TNS1: variants seen among roughly 807,000 people sequenced by gnomAD.
The protein encoded by TNS1 is tensin-1.
In TNS1, 62 loss-of-function variants were observed where a neutral mutation model predicts 168.6. The observed-to-expected ratio is 0.37, with a 90% CI of 0.30 to 0.45. The LOEUF (loss-of-function observed/expected upper bound fraction) is 0.45, where lower values mean the gene tolerates loss of function less well. Among genes scored for constraint, TNS1 ranks in the 20% least tolerant of loss-of-function variants. The probability of loss-of-function intolerance (pLI) is 1.00; values close to 1 mark genes in which losing one functional copy is unlikely to be tolerated. For synonymous variants in TNS1, 934 were observed against 933.2 expected, an observed-to-expected ratio of 1.00 and a Z score of -0.02; for missense variants, 2,240 against 2,339.4, an observed-to-expected ratio of 0.96 and a Z score of 0.88.
At chr2:218,017,236 C>T (rs115674224) in intron 1 of TNS1, among the ~76,000 whole-genome samples, 2,378 of 152,366 alleles carry the variant, frequency 0.016, 70 homozygotes, top group African/African-American at 0.053. Context: ...GGATCCCAGA[C>T]CCCTCTGTGA....
chr2:217,848,007 A>C lies in TNS1; in HGVS notation c.2510T>G (p.Leu837Arg). The change falls in exon 19 of 33, where the codon CTC becomes CGC. Residue 837 changes from leucine (L) to arginine (R), a missense_variant. Leu to Arg is a moderately radical substitution (Grantham distance 102). This residue lies in a region of TNS1 where 2,131 missense variants were observed against 2,171.2 expected (regional missense o/e 0.98). Transcript: ENST00000682258. ...CTCCAGGTCCAGCATCAGCATATTG[A>C]GTGTTTCGATGGACTGTTCAATCTC... Reference protein sequence around the residue: ...QQEIEQSIETLNMLMLDLEPA... With the variant: ...QQEIEQSIETRNMLMLDLEPA... The C allele has an allele frequency of 6.6e-7, 1 of 1,515,006 alleles. No homozygotes were observed. The allele number at this position is 1,515,006 out of a possible 1,614,324, so 93.8% of individuals were successfully genotyped here.
chr2:217,804,611 C>CG lies in TNS1; in HGVS notation c.5376-9dup. ...GCCACGAAGCCGAAGAGCCTGCAGG[C>CG]GGGAGAGGGCAACGGGCATGAGGGA... On this transcript the variant is annotated splice_polypyrimidine_tract_variant and intron_variant, in intron 32 of 32. Coordinates refer to ENST00000682258, the MANE Select transcript of TNS1 (RefSeq NM_001387777.1). The CG allele has an allele frequency of 6.2e-7, 1 of 1,613,842 alleles. No individual in the cohort carries two copies. Among genetic ancestry groups the CG allele is most frequent in the Non-Finnish European group, 8.5e-7 (1 of 1,179,852 alleles).
chr2:218,013,458 G>A (rs1419792042), upstream of TNS1, among the ~76,000 whole-genome samples: 1 of 152,122 alleles, frequency 6.6e-6, no homozygotes, highest in Non-Finnish European at 1.5e-5. Flanking sequence ...GGGCTGCCCT[G>A]GGGGCCTCAT....
intron 4 of TNS1, among the ~76,000 whole-genome samples, chr2:217,913,867 G>A (rs1050837585): frequency 1.3e-5 from 2 of 152,018 alleles, no homozygotes; most frequent in Non-Finnish European, 2.9e-5. Flanking sequence ...CACCCACACT[G>A]CTCCCACCAC....
At chr2:217,879,636 T>C in intron 18 of TNS1, 2 of 281,466 alleles carry the variant, frequency 7.1e-6, no homozygotes, top group African/African-American at 2.3e-5. Context: ...CCACCCTCCC[T>C]CATCCCACTT....
intron 13 of TNS1, 125 bp downstream of exon 13, chr2:217,886,409 T>C (rs925910064): frequency 2.6e-6 from 2 of 770,680 alleles, no homozygotes. Context: ...GAGAGTCCAA[T>C]GGAGGCCTTA....
At chr2:217,934,205 T>G (rs1956478333) in intron 3 of TNS1, among the ~76,000 whole-genome samples, 1 of 152,134 alleles carries the variant, frequency 6.6e-6, no homozygotes, top group South Asian at 2.1e-4. Flanking sequence ...GTCACCTGGA[T>G]GCTTGGAAGA....
intron 1 of TNS1, among the ~76,000 whole-genome samples, chr2:218,031,177 T>C (rs1958893047): frequency 7.0e-6 from 1 of 143,246 alleles, no homozygotes. Flanking sequence ...GTGTCTTGTG[T>C]GAGTGTGAAT....
intron 3 of TNS1, chr2:217,936,999 A>G (rs548642256): frequency 2.2e-6 from 1 of 456,888 alleles, no homozygotes; most frequent in Admixed American, 2.3e-5. Flanking sequence ...GCCTCTGCAC[A>G]TGCCTTCCCC....
chr2:217,817,884 T>G lies in TNS1; in HGVS notation c.4448A>C (p.Gln1483Pro). Residue 1483 changes from glutamine to proline, a missense_variant, in exon 24 of 33, where the codon CAA becomes CCA. This residue lies in a region of TNS1 where 2,131 missense variants were observed against 2,171.2 expected (regional missense o/e 0.98). Transcript: ENST00000682258. ...SPSPDSAAFR[Q>P]GSPTPALPEK... is the part of the protein sequence containing the mutation. Reference sequence around the variant, plus strand: ...TGGCAAGGCTGGTGTTGGGCTCCCTTGCCGGAAGGCTGCGGAGTCTGGTGA... The same window carrying G: ...TGGCAAGGCTGGTGTTGGGCTCCCTGGCCGGAAGGCTGCGGAGTCTGGTGA... 1 of 1,614,052 alleles carries G rather than the reference T, an allele frequency of 6.2e-7. No individual in the cohort carries two copies. Among genetic ancestry groups the G allele is most frequent in the Non-Finnish European group, 8.5e-7 (1 of 1,179,936 alleles).
At chr2:217,964,135 C>T (rs1314819431) in intron 3 of TNS1, among the ~76,000 whole-genome samples, 2 of 152,226 alleles carry the variant, frequency 1.3e-5, no homozygotes, top group Non-Finnish European at 2.9e-5. Context: ...AGCCAGTTTA[C>T]ACTCACTTCC....
intron 2 of TNS1, among the ~76,000 whole-genome samples, chr2:217,981,942 G>C (rs1295336503): frequency 6.6e-6 from 1 of 152,230 alleles, no homozygotes; most frequent in East Asian, 1.9e-4. Context: ...TCTTGCCTCT[G>C]CTACTCATCA....
At chr2:217,862,177 A>G (rs955700320) in intron 18 of TNS1, among the ~76,000 whole-genome samples, 2 of 152,230 alleles carry the variant, frequency 1.3e-5, no homozygotes, top group African/African-American at 4.8e-5. Flanking sequence ...GCATGCATAA[A>G]TAGGAAAGGA....
chr2:217,938,198 G>T (rs865811801), intron 3 of TNS1, among the ~76,000 whole-genome samples: 4 of 152,202 alleles, frequency 2.6e-5, no homozygotes, highest in Admixed American at 2.6e-4. Flanking sequence ...GCAACTGGGC[G>T]GGCCAGGGGT....
intron 3 of TNS1, among the ~76,000 whole-genome samples, chr2:217,955,703 C>T (rs548885618): frequency 6.6e-6 from 1 of 152,176 alleles, no homozygotes; most frequent in East Asian, 1.9e-4. Context: ...GGTGAGGGGA[C>T]TGGAGCTCAC....
intron 3 of TNS1, among the ~76,000 whole-genome samples, chr2:217,938,108 C>G (rs1258146914): frequency 6.6e-6 from 1 of 152,172 alleles, no homozygotes; most frequent in East Asian, 1.9e-4. Context: ...AGGCTGAGCT[C>G]AGGAACACTC....
intron 3 of TNS1, among the ~76,000 whole-genome samples, chr2:217,923,656 A>G (rs1453666212): frequency 1.3e-5 from 2 of 152,206 alleles, no homozygotes; most frequent in East Asian, 3.9e-4. Flanking sequence ...CACTATGTCT[A>G]CACTCAGCCC....
chr2:217,951,539 A>G (rs1005536586), intron 3 of TNS1, among the ~76,000 whole-genome samples: 7 of 152,112 alleles, frequency 4.6e-5, no homozygotes, highest in African/African-American at 1.2e-4. Context: ...TCTCCTAACT[A>G]CAGCAGCTGC....
At chr2:217,917,826 T>A (rs1955210609) in intron 4 of TNS1, among the ~76,000 whole-genome samples, 1 of 80,546 alleles carries the variant, frequency 1.2e-5, no homozygotes, top group Admixed American at 1.3e-4. Context: ...GTGAGACTGT[T>A]CTCAAAAAAA....
Sources: gnomAD v4.1 joint callset for allele counts (sites outside exome capture counted in the v4.1 genomes callset) on GRCh38, gnomAD v4.1.1 for gene constraint, gnomAD v4.1.1 regional missense constraint, MANE v1.5 for transcripts, NCBI Gene and HGNC (gene_info 2026-07-23, HGNC 2026-07-21) for gene names.